PLOD1: variants seen among roughly 807,000 people sequenced by gnomAD.
PLOD1 encodes procollagen-lysine,2-oxoglutarate 5-dioxygenase 1, also known as lysine hydroxylase.
Under a neutral mutation model 94.7 loss-of-function variants are expected in PLOD1, and 70 were observed. The ratio of observed to expected loss-of-function variants is 0.74; its 90% CI spans 0.61 to 0.90. PLOD1 has a LOEUF of 0.90. PLOD1 is among the 40% of genes least tolerant of loss of function. The pLI is 0.00. For synonymous variants in PLOD1, 417 were observed against 400.2 expected (o/e 1.04, Z -0.50); for missense variants, 905 against 972.7 (o/e 0.93, Z 0.93).
In PLOD1 at chr1:11,970,652, C is replaced by T; in HGVS notation, c.1756-18C>T. On this transcript the variant is annotated intron_variant, in intron 16 of 18. Transcript: ENST00000196061. ...CATCCTAGAATTCTGCCTAAACATT[C>T]ACCTCGGTCACCTCCAGGACAACCG... The T allele has an allele frequency of 1.2e-6, 2 of 1,612,746 alleles. No individual in the cohort carries two copies. The highest frequency in any genetic ancestry group is 1.7e-6 in the Non-Finnish European group (2 of 1,179,676).
rs779453447 is a variant in PLOD1 at position 11,948,016 on chromosome 1, G to A, written c.117G>A (p.Glu39=). 1.1e-5 allele frequency: 18 copies of A among 1,613,858 alleles called. No homozygotes were observed. The Admixed American group carries it at 1.2e-4, about 10-fold the overall frequency. ...TCACGGTGGCCACTAAGGAGACCGA[G>A]GGATTCCGTCGCTTCAAGCGCTCAG... ...LVLTVATKET[E]GFRRFKRSAQ... is the part of the protein sequence containing the mutation. The change falls in exon 2 of 19, where the codon GAG becomes GAA. Residue 39 remains glutamate, a synonymous_variant. Transcript: ENST00000196061.
intron 2 of PLOD1, among the ~76,000 whole-genome samples, chr1:11,949,199 C>G (rs1030614333): frequency 3.3e-5 from 5 of 152,038 alleles, no homozygotes; most frequent in East Asian, 1.9e-4. Flanking sequence ...GCAGACTGTT[C>G]TGTTTTTCAC....
intron 18 of PLOD1, 107 bp downstream of exon 18, chr1:11,973,104 GC>G: frequency 8.2e-7 from 1 of 1,214,384 alleles, no homozygotes; most frequent in Non-Finnish European, 1.2e-6. Flanking sequence ...GGTAACCAGT[GC>G]CAGAGAACCA....
chr1:11,970,960 G>A (rs1645859206), intron 17 of PLOD1, 144 bp downstream of exon 17: 3 of 329,170 alleles, frequency 9.1e-6, no homozygotes, highest in Non-Finnish European at 1.7e-5. Flanking sequence ...GCGTGGGAGG[G>A]GCAAGGGTGG....
intron 18 of PLOD1, among the ~76,000 whole-genome samples, chr1:11,973,739 GC>G (rs1298097582): frequency 6.6e-6 from 1 of 151,866 alleles, no homozygotes; most frequent in East Asian, 1.9e-4. Flanking sequence ...TGCCACCATG[GC>G]CAGCTAATTT....
intron 1 of PLOD1, among the ~76,000 whole-genome samples, chr1:11,946,893 C>T (rs1645658811): frequency 6.6e-6 from 1 of 152,148 alleles, no homozygotes; most frequent in South Asian, 2.1e-4. Context: ...AGTGAGGCCT[C>T]AGGAAGCTTT....
rs2230896 is a variant in PLOD1, at chr1:11,963,575, G to A, written c.1141G>A (p.Val381Met). 1,926 of 1,605,070 alleles carry A rather than the reference G, an allele frequency of 1.2e-3. 12 individuals carry two copies. The African/African-American group carries it at 0.022, about 18-fold the overall frequency. ...CCGCAGCTGCACCTACTACTTCAGC[G>A]TGGATGCTGACGTGGCCCTGACCGA... Reference protein sequence around the residue: ...QDRSCTYYFSVDADVALTEPN... With the variant: ...QDRSCTYYFSMDADVALTEPN... The change falls in exon 11 of 19, where the codon GTG (valine) becomes ATG (methionine). Residue 381 changes from valine (V) to methionine (M), a missense_variant. Coordinates refer to ENST00000196061, the MANE Select transcript of PLOD1 (RefSeq NM_000302.4). The surrounding 1 kb of genome is among the most constrained non-coding windows in gnomAD (Gnocchi z 4.3).
rs557499099 is a variant in PLOD1, at chr1:11,954,947, T to C, written c.643+54T>C. On this transcript the variant is annotated intron_variant, in intron 6 of 18. Coordinates refer to ENST00000196061, the MANE Select transcript of PLOD1 (RefSeq NM_000302.4). ...TCCTCAGAGGGGTGATAGGAAGAAT[T>C]CCAGGCAGGGCCCGAGCCCAGGGAG... The C allele has an allele frequency of 9.4e-6, 13 of 1,377,360 alleles. No homozygotes were observed. The Admixed American group carries it at 1.0e-4, about 11-fold the overall frequency. The allele number at this position is 1,377,360 out of a possible 1,614,324, so 85.3% of individuals were successfully genotyped here. A position where few individuals can be genotyped will look rare whatever the true frequency, so the allele number is the denominator to read the frequency against.
At chr1:11,943,497 A>G (rs1261531489) in intron 1 of PLOD1, among the ~76,000 whole-genome samples, 1 of 152,030 alleles carries the variant, frequency 6.6e-6, no homozygotes, top group Non-Finnish European at 1.5e-5. Flanking sequence ...GGGTTTCACC[A>G]TGTTGACCAG....
At chr1:11,973,899 C>T (rs1229985646) in intron 18 of PLOD1, among the ~76,000 whole-genome samples, 2 of 152,106 alleles carry the variant, frequency 1.3e-5, no homozygotes, top group African/African-American at 4.8e-5. Flanking sequence ...ATTGGCAGTA[C>T]CTGGAGACAT....
At chr1:11,936,370 C>T (rs986400741) in intron 1 of PLOD1, among the ~76,000 whole-genome samples, 5 of 151,324 alleles carry the variant, frequency 3.3e-5, no homozygotes, top group South Asian at 2.1e-4. Context: ...GCATAGACTG[C>T]GGACAGTCCC....
chr1:11,942,092 C>T (rs759184145), intron 1 of PLOD1, among the ~76,000 whole-genome samples: 20 of 151,488 alleles, frequency 1.3e-4, no homozygotes, highest in Non-Finnish European at 2.6e-4. Flanking sequence ...AAGCAATTCT[C>T]GTGCCTCAGC....
At chr1:11,964,327 T>TTTTCCCGGGGGGGGGGGGGGGGGGG in intron 12 of PLOD1, 27 bp downstream of exon 12, 1 of 546,370 alleles carries the variant, frequency 1.8e-6, no homozygotes. Context: ...TGGGGGTGGG[T>TTTTCCCGGGGGGGGGGGGGGGGGGG]GGGGGACACC....
rs1489319198 is a variant in PLOD1 at position 11,972,074 on chromosome 1, A to G, written c.1903-798A>G. On this transcript the variant is annotated intron_variant, in intron 17 of 18. Coordinates refer to ENST00000196061, the MANE Select transcript of PLOD1 (RefSeq NM_000302.4). This position sits in a 1 kb window ranked among gnomAD's most constrained non-coding sequence, Gnocchi z 4.6. The stretch of plus-strand genomic sequence containing the variant: ...CTCTGGTTTCTCCAGATACCTGCCC[A>G]TGGCGTGCCTGGGTCCTGCCTCAGG... 4 of 152,050 alleles carry G rather than the reference A, an allele frequency of 2.6e-5. No homozygotes were observed. The highest frequency in any genetic ancestry group is 2.1e-4 in the South Asian group (1 of 4,806). The allele number at this position is 152,050 out of a possible 1,614,324, so 9.4% of individuals were successfully genotyped here.
intron 6 of PLOD1, 99 bp downstream of exon 6, chr1:11,954,992 T>A: frequency 1.1e-6 from 1 of 943,924 alleles, no homozygotes; most frequent in South Asian, 1.4e-5. Context: ...GCTGCTTCTT[T>A]CTGGCCATTG....
intron 5 of PLOD1, chr1:11,954,338 T>G: frequency 4.0e-6 from 1 of 249,730 alleles, no homozygotes; most frequent in Non-Finnish European, 7.9e-6. Flanking sequence ...AAAAAAAAAT[T>G]AGCTGGGTAT....
chr1:11,958,516 G>C lies in PLOD1; in HGVS notation c.844G>C (p.Asp282His). 1 of 1,613,666 alleles carries C rather than the reference G, an allele frequency of 6.2e-7. No homozygotes were observed. The highest frequency in any genetic ancestry group is 8.5e-7 in the Non-Finnish European group (1 of 1,179,898). Residue 282 changes from aspartate (D) to histidine (H), a missense_variant and splice_region_variant, in exon 9 of 19, where the codon GAT becomes CAT. Coordinates refer to ENST00000196061, the MANE Select transcript of PLOD1 (RefSeq NM_000302.4). This position sits in a 1 kb window ranked among gnomAD's most constrained non-coding sequence, Gnocchi z 4.3. ...TCTTGTGCCGCCCTCCCTGGTGCAG[G>C]ATGAAGCTCTGCCCACGGTCCTGGT... is the stretch of plus-strand genomic sequence containing the variant. ...EGLRSLKGIG[D>H]EALPTVLVGV...
At chr1:11,954,938 A>G (rs201152076) in intron 6 of PLOD1, 45 bp downstream of exon 6, 1 of 1,452,240 alleles carries the variant, frequency 6.9e-7, no homozygotes, top group East Asian at 2.3e-5. Flanking sequence ...GAGGGGTGAT[A>G]GGAAGAATTC....
intron 17 of PLOD1, 104 bp downstream of exon 17, chr1:11,970,920 A>T: frequency 2.2e-5 from 10 of 445,834 alleles, no homozygotes; most frequent in Non-Finnish European, 2.9e-5. Context: ...AGAAACTGGG[A>T]GGGGCCGAGG....
Sources: allele counts gnomAD v4.1 joint callset (sites outside exome capture counted in the v4.1 genomes callset), GRCh38; gene constraint gnomAD v4.1.1; non-coding constraint Gnocchi (gnomAD v3.1); transcripts MANE v1.5; gene names NCBI Gene and HGNC (gene_info 2026-07-23, HGNC 2026-07-21).